Variants in SDK2 observed in about 807,000 individuals in gnomAD.
SDK2 encodes the protein protein sidekick-2.
A neutral mutation model predicts 253.9 loss-of-function variants in SDK2; 105 were observed. The ratio of observed to expected loss-of-function variants is 0.41; its 90% CI spans 0.35 to 0.49. The LOEUF is 0.49. Ranked by LOEUF, SDK2 falls within the 20% of genes least tolerant of loss-of-function variation. The pLI, the probability that SDK2 is intolerant of heterozygous loss-of-function variation, is 0.06. For missense variants in SDK2, 2,608 were observed against 3,003.0 expected (o/e 0.87, Z 3.07); for synonymous variants, 1,249 against 1,234.9 (o/e 1.01, Z -0.24).
intron 6 of SDK2, among the ~76,000 whole-genome samples, chr17:73,438,897 A>T (rs11655469): frequency 0.27 from 41,003 of 152,072 alleles, 5,927 homozygotes; most frequent in Non-Finnish European, 0.31. Flanking sequence ...TCTGGGAAAC[A>T]GCGGCTTGAG....
At chr17:73,623,949 G>A (rs1020409390) in intron 1 of SDK2, among the ~76,000 whole-genome samples, 3 of 152,156 alleles carry the variant, frequency 2.0e-5, no homozygotes, top group Non-Finnish European at 4.4e-5. Flanking sequence ...AAGACAGCAC[G>A]GCAGACAGAC....
intron 13 of SDK2, 32 bp from the exon 14 acceptor site, chr17:73,423,554 A>G (rs368839366): frequency 2.1e-5 from 31 of 1,503,950 alleles, no homozygotes; most frequent in African/African-American, 1.4e-5. Flanking sequence ...AGGCATCCCT[A>G]TGTGGTCTGC....
At chr17:73,376,659 G>C (rs902684619) in intron 36 of SDK2, among the ~76,000 whole-genome samples, 11 of 152,062 alleles carry the variant, frequency 7.2e-5, no homozygotes, top group African/African-American at 2.7e-4. Flanking sequence ...ACATTTTCCT[G>C]GGTCTGTCTA....
chr17:73,570,402 G>T lies in SDK2; in HGVS notation c.65-62805C>A, dbSNP rs1329777350. ...TAAAGAGCCTCCAGGTGCATGTGAG[G>T]GTGGGTGAGGTGGCTCCCACTGCTG... On this transcript the variant is annotated intron_variant, in intron 1 of 44. Coordinates refer to ENST00000392650, the MANE Select transcript of SDK2 (RefSeq NM_001144952.2). This position sits in a 1 kb window ranked among gnomAD's most constrained non-coding sequence, Gnocchi z 4.2. Among the ~76,000 whole-genome samples, 2 of 152,144 alleles carry T rather than the reference G, an allele frequency of 1.3e-5. No individual in the cohort carries two copies. Among genetic ancestry groups the T allele is most frequent in the Non-Finnish European group, 1.5e-5 (1 of 68,018 alleles).
chr17:73,419,353 G>T, intron 15 of SDK2, 47 bp from the exon 16 acceptor site: 1 of 1,591,068 alleles, frequency 6.3e-7, no homozygotes, highest in South Asian at 1.1e-5. Context: ...TCAAACACAG[G>T]AGTTGAATGG....
chr17:73,394,253 C>G lies in SDK2; in HGVS notation c.3664G>C (p.Glu1222Gln). The change falls in exon 26 of 45, where the codon GAG becomes CAG. Residue 1222 changes from glutamate (E) to glutamine (Q), a missense_variant. Coordinates refer to ENST00000392650, the MANE Select transcript of SDK2 (RefSeq NM_001144952.2). ...CCGTTGCGATCAGCCTCGGGGACCT[C>G]GCTCCAGCGCACCAGCATGCTGCTG... ...TSSSMLVRWS[E>Q]VPEADRNGLV... 1.9e-6 allele frequency: 3 copies of G among 1,601,842 alleles called. No individual in the cohort carries two copies. The highest frequency in any genetic ancestry group is 1.7e-6 in the Non-Finnish European group (2 of 1,171,986).
chr17:73,441,651 A>G (rs2063417039), intron 5 of SDK2, among the ~76,000 whole-genome samples: 1 of 152,176 alleles, frequency 6.6e-6, no homozygotes, highest in African/African-American at 2.4e-5. Flanking sequence ...ACTCCTCTAG[A>G]ATCTTCAGAG....
rs1271626888 is a variant in SDK2, at chr17:73,612,150, C to A, written c.64+31875G>T. 1.3e-5 allele frequency among the ~76,000 whole-genome samples: 2 copies of A among 152,196 alleles called. No individual in the cohort carries two copies. The highest frequency in any genetic ancestry group is 4.8e-5 in the African/African-American group (2 of 41,430). ...TGAAAATAAACAGCAATTCCTTTCA[C>A]CCCCGCTGCAGCCTCTTCAAGCGAG... On this transcript the variant is annotated intron_variant, in intron 1 of 44. Transcript: ENST00000392650. The surrounding 1 kb of genome is among the most constrained non-coding windows in gnomAD (Gnocchi z 4.4).
rs140519266 is a variant in SDK2 at position 73,484,110 on chromosome 17, C to T, written c.225-11892G>A. On this transcript the variant is annotated intron_variant, in intron 2 of 44. Coordinates refer to ENST00000392650, the MANE Select transcript of SDK2 (RefSeq NM_001144952.2). The stretch of plus-strand genomic sequence containing the variant: ...CTCACCGCTCCCCGCTCCTCCGGCT[C>T]GGGGAGGAAAGCCTCGCCACCCAGC... Among the ~76,000 whole-genome samples, 203 of 152,278 alleles carry T rather than the reference C, an allele frequency of 1.3e-3. 1 individual carries two copies. The highest frequency in any genetic ancestry group is 2.2e-3 in the Non-Finnish European group (149 of 68,014).
intron 1 of SDK2, among the ~76,000 whole-genome samples, chr17:73,599,844 C>T (rs987041081): frequency 2.0e-5 from 3 of 152,212 alleles, no homozygotes; most frequent in African/African-American, 7.2e-5. Context: ...GACACAGGGG[C>T]CCAGGCTCCT....
chr17:73,619,496 T>G (rs7217313), intron 1 of SDK2, among the ~76,000 whole-genome samples: 58,201 of 152,010 alleles, frequency 0.38, 11,633 homozygotes, highest in African/African-American at 0.5. Flanking sequence ...GGAAAAAACA[T>G]GTCTCTTCAA....
chr17:73,628,554 A>G (rs1416045965), intron 1 of SDK2, among the ~76,000 whole-genome samples: 1 of 152,202 alleles, frequency 6.6e-6, no homozygotes, highest in Non-Finnish European at 1.5e-5. Flanking sequence ...AGGTTCCCCT[A>G]ACCCCACTCA....
intron 24 of SDK2, among the ~76,000 whole-genome samples, chr17:73,397,631 G>A (rs957505671): frequency 6.6e-6 from 1 of 152,152 alleles, no homozygotes; most frequent in Non-Finnish European, 1.5e-5. Context: ...CCGGATCTGG[G>A]GACACTCTCT....
At chr17:73,400,360 A>T (rs1453068052) in intron 21 of SDK2, among the ~76,000 whole-genome samples, 1 of 152,122 alleles carries the variant, frequency 6.6e-6, no homozygotes, top group East Asian at 1.9e-4. Flanking sequence ...TCCAAGGTGG[A>T]CCCTCTGGGC....
intron 12 of SDK2, 143 bp from the exon 13 acceptor site, chr17:73,424,235 C>T (rs372898024): frequency 3.0e-5 from 20 of 669,480 alleles, no homozygotes; most frequent in South Asian, 2.1e-4. Flanking sequence ...ACACTGGGAT[C>T]GGGGAGCGGG....
rs1354967108 is a variant in SDK2, at chr17:73,379,643, A to T, written c.4763-94T>A. The T allele has an allele frequency of 2.7e-6, 2 of 731,384 alleles. No homozygotes were observed. Among genetic ancestry groups the T allele is most frequent in the African/African-American group, 1.8e-5 (1 of 56,802 alleles). 45.3% of individuals were successfully genotyped at this position (731,384 alleles called of 1,614,324 possible). On this transcript the variant is annotated intron_variant, in intron 34 of 44. Coordinates refer to ENST00000392650, the MANE Select transcript of SDK2 (RefSeq NM_001144952.2). This position sits in a 1 kb window ranked among gnomAD's most constrained non-coding sequence, Gnocchi z 4.5. Reference sequence around the variant, plus strand: ...GAGGGTGGAGGCTGCAGGGGGAGGAATGAGGCACCCCCGCCATTCTAGCCC... The same window carrying T: ...GAGGGTGGAGGCTGCAGGGGGAGGATTGAGGCACCCCCGCCATTCTAGCCC...
chr17:73,366,346 AG>A (rs1272864721), intron 37 of SDK2, among the ~76,000 whole-genome samples: 3 of 152,108 alleles, frequency 2.0e-5, no homozygotes, highest in Non-Finnish European at 4.4e-5. Flanking sequence ...CCGGGACAGG[AG>A]GCGGACGGAC....
chr17:73,631,464 C>A (rs1223448840), intron 1 of SDK2, among the ~76,000 whole-genome samples: 1 of 152,236 alleles, frequency 6.6e-6, no homozygotes, highest in Non-Finnish European at 1.5e-5. Context: ...AGCCCCTCTT[C>A]CATTCTGGGT....
At chr17:73,458,283 C>T (rs933499853) in intron 3 of SDK2, among the ~76,000 whole-genome samples, 2 of 152,178 alleles carry the variant, frequency 1.3e-5, no homozygotes, top group African/African-American at 2.4e-5. Context: ...GTAGTTCCAA[C>T]GTGAGCTAAG....
Sources: gnomAD v4.1 joint callset for allele counts (sites outside exome capture counted in the v4.1 genomes callset) on GRCh38, gnomAD v4.1.1 for gene constraint, Gnocchi (gnomAD v3.1) non-coding constraint, MANE v1.5 for transcripts, NCBI Gene and HGNC (gene_info 2026-07-23, HGNC 2026-07-21) for gene names.